Variants in HYLS1 observed in about 807,000 individuals in gnomAD.
HYLS1 encodes the protein centriolar and ciliogenesis-associated protein HYLS1.
Under a neutral mutation model 29.4 loss-of-function variants are expected in HYLS1, and 25 were observed. The ratio of observed to expected loss-of-function variants is 0.85; its 90% CI spans 0.62 to 1.19. HYLS1 has a LOEUF of 1.19. Among genes scored for constraint, HYLS1 ranks in the 50% most tolerant of loss-of-function variants. HYLS1 has a pLI of 0.00. For synonymous variants in HYLS1, 128 were observed against 126.7 expected (o/e 1.01, Z -0.07); for missense variants, 352 against 365.1 (o/e 0.96, Z 0.29).
chr11:125,900,577 C>T lies in HYLS1; in HGVS notation c.*309C>T. 1 of 374,352 alleles carries T rather than the reference C, an allele frequency of 2.7e-6. No individual in the cohort carries two copies. The highest frequency in any genetic ancestry group is 2.6e-5 in the South Asian group (1 of 39,186). The allele number at this position is 374,352 out of a possible 1,614,324, so 23.2% of individuals were successfully genotyped here. ...TTTTTTTACCTATCAATATGAGTTG[C>T]TGTGCTTCAGTGTGTGTTTTTTAAG... On this transcript the variant is annotated 3_prime_UTR_variant, in exon 3 of 3. Coordinates refer to ENST00000425380, the MANE Select transcript of HYLS1 (RefSeq NM_001134793.2).
At chr11:125,891,243 C>G (rs1214493548) in intron 1 of HYLS1, among the ~76,000 whole-genome samples, 180 bp from the exon 2 acceptor site, 1 of 152,124 alleles carries the variant, frequency 6.6e-6, no homozygotes, top group African/African-American at 2.4e-5. Context: ...TCTTACTCTT[C>G]TAGATTGGAT....
At chr11:125,896,621 C>T (rs977438933) in intron 2 of HYLS1, among the ~76,000 whole-genome samples, 9 of 152,188 alleles carry the variant, frequency 5.9e-5, no homozygotes. Flanking sequence ...TCTATCTTCA[C>T]TGAATTGATT....
upstream of HYLS1, among the ~76,000 whole-genome samples, chr11:125,886,830 G>C (rs923847831): frequency 6.8e-6 from 1 of 147,168 alleles, no homozygotes; most frequent in Non-Finnish European, 1.5e-5. Context: ...AGAATCGCTT[G>C]AACCTGGGAG....
At position 125,899,773 on chromosome 11, in the gene HYLS1, G is replaced by A; in HGVS notation, c.405G>A (p.Leu135=). 1 of 1,614,206 alleles carries A rather than the reference G, an allele frequency of 6.2e-7. No individual in the cohort carries two copies. Among genetic ancestry groups the A allele is most frequent in the Non-Finnish European group, 8.5e-7 (1 of 1,180,026 alleles). ...ATCTCTGGGACTTAAGACAAAGGCT[G>A]ATGAATGTACAGTTCCAGGAAGACA... ...DQDLWDLRQR[L]MNVQFQEDKE... The change falls in exon 3 of 3, where the codon CTG becomes CTA. Residue 135 remains leucine, a synonymous_variant. Transcript: ENST00000425380.
At chr11:125,885,348 G>A (rs1405982056), upstream of HYLS1, among the ~76,000 whole-genome samples, 4 of 152,096 alleles carry the variant, frequency 2.6e-5, no homozygotes, top group East Asian at 1.9e-4. Flanking sequence ...CTACTCAGGA[G>A]ACTGAGGCAT....
At chr11:125,892,540 C>T (rs1374184339) in intron 2 of HYLS1, among the ~76,000 whole-genome samples, 1 of 152,178 alleles carries the variant, frequency 6.6e-6, no homozygotes, top group Non-Finnish European at 1.5e-5. Flanking sequence ...ACTCATTTTG[C>T]TCACATCTGA....
At chr11:125,885,809 CA>C (rs1944296214), upstream of HYLS1, among the ~76,000 whole-genome samples, 1 of 152,204 alleles carries the variant, frequency 6.6e-6, no homozygotes, top group Admixed American at 6.5e-5. Context: ...GTCGCATGAA[CA>C]GGGGTGTTAG....
chr11:125,891,613 C>G (rs1944410738), intron 2 of HYLS1, 141 bp downstream of exon 2: 1 of 151,824 alleles, frequency 6.6e-6, no homozygotes, highest in African/African-American at 2.4e-5. Context: ...TAAGAATACT[C>G]AGGACATAAT....
At chr11:125,885,625 A>T (rs1283798357), upstream of HYLS1, among the ~76,000 whole-genome samples, 3 of 152,252 alleles carry the variant, frequency 2.0e-5, no homozygotes, top group Non-Finnish European at 4.4e-5. Context: ...TGAGCATATT[A>T]AATTTGCTCC....
intron 2 of HYLS1, chr11:125,893,870 T>G: frequency 6.2e-7 from 1 of 1,614,194 alleles, no homozygotes; most frequent in Non-Finnish European, 8.5e-7. Flanking sequence ...TAGTGTGTCA[T>G]TACAGTCCCT....
At chr11:125,898,109 T>C (rs1944642964) in intron 2 of HYLS1, among the ~76,000 whole-genome samples, 1 of 152,178 alleles carries the variant, frequency 6.6e-6, no homozygotes, top group Non-Finnish European at 1.5e-5. Flanking sequence ...AAAAAAAATG[T>C]ACATGTGAAT....
intron 1 of HYLS1, among the ~76,000 whole-genome samples, chr11:125,888,861 A>C (rs1944359329): frequency 6.6e-6 from 1 of 152,140 alleles, no homozygotes; most frequent in South Asian, 2.1e-4. Flanking sequence ...CCAGGAGTTT[A>C]TTCCAAGGAC....
At chr11:125,887,543 T>G (rs1591491546), upstream of HYLS1, 1 of 152,250 alleles carries the variant, frequency 6.6e-6, no homozygotes, top group East Asian at 1.9e-4. Flanking sequence ...GGATACAGAC[T>G]TGGAGGACGT....
chr11:125,892,924 C>T (rs932370693), intron 2 of HYLS1, among the ~76,000 whole-genome samples: 9 of 152,308 alleles, frequency 5.9e-5, no homozygotes, highest in African/African-American at 2.2e-4. Context: ...ACTCTCAAGC[C>T]GTATTAAAGA....
chr11:125,899,108 T>G, intron 2 of HYLS1: 1 of 489,364 alleles, frequency 2.0e-6, no homozygotes, highest in African/African-American at 1.9e-5. Context: ...TTTTAGGACC[T>G]GAAGGTGGCA....
rs80141705 is a variant in HYLS1 at position 125,891,784 on chromosome 11, A to C, written c.-26+312A>C. 8.2e-3 allele frequency among the ~76,000 whole-genome samples: 1,252 copies of C among 152,300 alleles called. 19 individuals are homozygous for C. Among genetic ancestry groups the C allele is most frequent in the African/African-American group, 0.026 (1,084 of 41,582 alleles). ...TTTCTGGTTCCCTGTCTGCTAGGAT[A>C]TAACAGCTATTATAATGTACTTTTT... On this transcript the variant is annotated intron_variant, in intron 2 of 2. Transcript: ENST00000425380.
chr11:125,896,061 C>A lies in HYLS1; in HGVS notation c.-25-3283C>A, dbSNP rs142195744. On this transcript the variant is annotated intron_variant, in intron 2 of 2. Transcript: ENST00000425380. ...TTCCTGACTAGCAAAGCCCTGGTAT[C>A]CCCAGCCCATATAGGCTATTCTTAG... 8.1e-6 allele frequency: 13 copies of A among 1,614,068 alleles called. No individual in the cohort carries two copies. The African/African-American group carries it at 1.5e-4, about 18-fold the overall frequency.
At chr11:125,891,100 C>T (rs4937066) in intron 1 of HYLS1, among the ~76,000 whole-genome samples, 23,650 of 152,130 alleles carry the variant, frequency 0.16, 2,219 homozygotes, top group Admixed American at 0.26. Flanking sequence ...CCAGAGACTT[C>T]GGATTTGTAC....
chr11:125,890,243 CTGT>C (rs1275186094), intron 1 of HYLS1, among the ~76,000 whole-genome samples: 1 of 7,158 alleles, frequency 1.4e-4, no homozygotes, highest in African/African-American at 1.9e-4. Context: ...CTGCGCCCAG[CTGT>C]TTGTTAGTTA....
Sources: gnomAD v4.1 joint callset for allele counts (sites outside exome capture counted in the v4.1 genomes callset) on GRCh38, gnomAD v4.1.1 for gene constraint, MANE v1.5 for transcripts, NCBI Gene and HGNC (gene_info 2026-07-23, HGNC 2026-07-21) for gene names.